RNF114: variants seen among roughly 807,000 people sequenced by gnomAD.
RNF114 encodes the protein ring finger protein 114.
A neutral mutation model predicts 28.4 loss-of-function variants in RNF114; 6 were observed. That is an observed-to-expected ratio of 0.21 (90% CI 0.12 to 0.42). The LOEUF is 0.42. RNF114 is among the 10% of genes least tolerant of loss of function. The pLI, the probability that RNF114 is intolerant of heterozygous loss-of-function variation, is 1.00. For synonymous variants in RNF114, 115 were observed against 116.7 expected, an observed-to-expected ratio of 0.99 and a Z score of 0.09; for missense variants, 249 against 311.7, an observed-to-expected ratio of 0.80 and a Z score of 1.51.
rs1023558363 is a variant in RNF114, at chr20:49,953,514, C to T, written c.*1373C>T. 34 of 152,012 alleles carry T rather than the reference C, an allele frequency of 2.2e-4. No individual in the cohort carries two copies. Among genetic ancestry groups the T allele is most frequent in the African/African-American group, 7.2e-4 (30 of 41,382 alleles). 9.4% of individuals were successfully genotyped at this position (152,012 alleles called of 1,614,324 possible). The stretch of plus-strand genomic sequence containing the variant: ...TGCTGCTGTGGGGCTCCGCGCCTGC[C>T]GGTGAAGAGCTGCAGATGCCGAGAA... On this transcript the variant is annotated 3_prime_UTR_variant, in exon 6 of 6. Coordinates refer to ENST00000244061, the MANE Select transcript of RNF114 (RefSeq NM_018683.4).
intron 2 of RNF114, 150 bp downstream of exon 2, chr20:49,941,861 GT>G: frequency 2.7e-6 from 2 of 733,482 alleles, no homozygotes; most frequent in South Asian, 4.0e-5. Context: ...GGCTGGGCTG[GT>G]TTGTTTTCAT....
At chr20:49,940,634 C>T (rs574219329) in intron 1 of RNF114, among the ~76,000 whole-genome samples, 16 of 151,926 alleles carry the variant, frequency 1.1e-4, no homozygotes, top group East Asian at 1.9e-4. Flanking sequence ...AGGATGGTCT[C>T]GATCTCCTGA....
At position 49,951,309 on chromosome 20, in the gene RNF114, C is replaced by CAAAAATGACTCATTAAAAATGAGTCCT. The variant is rs1270668894; in HGVS notation, c.622-749_622-723dup. 4.0e-5 allele frequency among the ~76,000 whole-genome samples: 6 copies of CAAAAATGACTCATTAAAAATGAGTCCT among 150,950 alleles called. No homozygotes were observed. In the East Asian group the frequency reaches 7.9e-4, roughly 20 times the overall value. On this transcript the variant is annotated intron_variant, in intron 5 of 5. Coordinates refer to ENST00000244061, the MANE Select transcript of RNF114 (RefSeq NM_018683.4). ...ATTACATTCATCTGTGTCACATTAA[C>CAAAAATGACTCATTAAAAATGAGTCCT]AAAAATGACTCATTAAAAATGAGTC...
rs71190519 is a variant in RNF114 at position 49,947,769 on chromosome 20, G to GTTTTT, written c.514-1443_514-1439dup. Among the ~76,000 whole-genome samples, 276 of 50,470 alleles carry GTTTTT rather than the reference G, an allele frequency of 5.5e-3. 68 individuals are homozygous for GTTTTT. The highest frequency in any genetic ancestry group is 7.4e-3 in the Non-Finnish European group (212 of 28,798). 33.1% of individuals were successfully genotyped at this position (50,470 alleles called of 152,430 possible). ...GTTCTGTCTTCCTCTCCCTCTGCAA[G>GTTTTT]TTTTTTTTTTTTTTTTTTTTTTTTT... is the stretch of plus-strand genomic sequence containing the variant. On this transcript the variant is annotated intron_variant, in intron 4 of 5. Coordinates refer to ENST00000244061, the MANE Select transcript of RNF114 (RefSeq NM_018683.4).
intron 1 of RNF114, 54 bp downstream of exon 1, chr20:49,936,606 A>G (rs2090287428): frequency 6.4e-7 from 1 of 1,555,772 alleles, no homozygotes; most frequent in Non-Finnish European, 8.7e-7. Context: ...AAGGGAATGG[A>G]GCCGAGGAGC....
intron 4 of RNF114, among the ~76,000 whole-genome samples, chr20:49,946,947 C>T (rs147441550): frequency 0.012 from 1,854 of 150,672 alleles, 21 homozygotes; most frequent in Non-Finnish European, 0.016. Context: ...AGGCTGGGCA[C>T]GGTGGCTCAC....
At chr20:49,945,088 A>G in intron 2 of RNF114, 2 of 257,080 alleles carry the variant, frequency 7.8e-6, no homozygotes, top group South Asian at 1.3e-4. Context: ...AACATCCTAG[A>G]TTTGGAGCTT....
chr20:49,952,419 C>G lies in RNF114; in HGVS notation c.*278C>G. 4 of 523,744 alleles carry G rather than the reference C, an allele frequency of 7.6e-6. No individual in the cohort carries two copies. The highest frequency in any genetic ancestry group is 1.0e-5 in the Non-Finnish European group (3 of 292,948). The allele number at this position is 523,744 out of a possible 1,614,324, so 32.4% of individuals were successfully genotyped here. On this transcript the variant is annotated 3_prime_UTR_variant, in exon 6 of 6. Transcript: ENST00000244061. ...CTACTTCCTGGAGCTTCTGCCGCCTCCTGTGGAAGATAATCTAGCTTCTCC... is the reference window on the plus strand; with the variant it reads ...CTACTTCCTGGAGCTTCTGCCGCCTGCTGTGGAAGATAATCTAGCTTCTCC...
rs1403474609 is a variant in RNF114 at position 49,952,913 on chromosome 20, C to T, written c.*772C>T. On this transcript the variant is annotated 3_prime_UTR_variant, in exon 6 of 6. Transcript: ENST00000244061. The stretch of plus-strand genomic sequence containing the variant: ...GTGGGAGGGCCAGAGCTTTTTGGTT[C>T]TGATTTACAAATTAATGAAGTAGTT... 6.6e-6 allele frequency: 1 copy of T among 152,528 alleles called. No homozygotes were observed. The highest frequency in any genetic ancestry group is 1.5e-5 in the Non-Finnish European group (1 of 68,030). The allele number at this position is 152,528 out of a possible 1,614,324, so 9.4% of individuals were successfully genotyped here.
At position 49,952,556 on chromosome 20, in the gene RNF114, T is replaced by G; in HGVS notation, c.*415T>G. 3.4e-6 allele frequency: 1 copy of G among 297,728 alleles called. No individual in the cohort carries two copies. Among genetic ancestry groups the G allele is most frequent in the East Asian group, 5.7e-5 (1 of 17,422 alleles). 18.4% of individuals were successfully genotyped at this position (297,728 alleles called of 1,614,324 possible). On this transcript the variant is annotated 3_prime_UTR_variant, in exon 6 of 6. Transcript: ENST00000244061. ...AGCACAATGAAGCAAGTGTCTCCTT[T>G]CCTTGTCCCCAAGGTGTGCAGACTT...
At chr20:49,938,781 T>C (rs2090296626) in intron 1 of RNF114, among the ~76,000 whole-genome samples, 1 of 152,232 alleles carries the variant, frequency 6.6e-6, no homozygotes, top group African/African-American at 2.4e-5. Context: ...CGTGAACATT[T>C]GATAGATGAG....
intron 1 of RNF114, among the ~76,000 whole-genome samples, chr20:49,940,519 A>G (rs1434299230): frequency 1.3e-5 from 2 of 150,808 alleles, no homozygotes; most frequent in Admixed American, 6.7e-5. Flanking sequence ...GGTTCATGCC[A>G]TTCTCCTGCC....
At chr20:49,950,782 T>C (rs2090352477) in intron 5 of RNF114, among the ~76,000 whole-genome samples, 1 of 151,858 alleles carries the variant, frequency 6.6e-6, no homozygotes, top group Non-Finnish European at 1.5e-5. Flanking sequence ...GAAATGATCC[T>C]CCTGAGGATT....
In RNF114 at chr20:49,946,252, T is replaced by C; in HGVS notation, c.513+2T>C. 6.8e-7 allele frequency: 1 copy of C among 1,473,690 alleles called. No homozygotes were observed. Among genetic ancestry groups the C allele is most frequent in the South Asian group, 1.2e-5 (1 of 80,664 alleles). 91.3% of individuals were successfully genotyped at this position (1,473,690 alleles called of 1,614,324 possible). A position where few individuals can be genotyped will look rare whatever the true frequency, so the allele number is the denominator to read the frequency against. On this transcript the variant is annotated splice_donor_variant, in intron 4 of 5. Transcript: ENST00000244061. LOFTEE classifies it high-confidence loss of function. ...CATAGCACGGATACCAAATCTGTGGTGAGTAACCTTTTTTTTTTTTTTTAA... is the reference window on the plus strand; with the variant it reads ...CATAGCACGGATACCAAATCTGTGGCGAGTAACCTTTTTTTTTTTTTTTAA...
rs2090307546 is a variant in RNF114 at position 49,941,521 on chromosome 20, C to G, written c.141-40C>G. On this transcript the variant is annotated intron_variant, in intron 1 of 5. Transcript: ENST00000244061. ...TGATCCATATTTGTCGTCTTGTCTC[C>G]ATGATGCGTGACAGAGGTTCTCTGT... The G allele has an allele frequency of 5.4e-5, 82 of 1,530,892 alleles. No individual in the cohort carries two copies. In the East Asian group the frequency reaches 1.9e-3, roughly 36 times the overall value. 94.8% of individuals were successfully genotyped at this position (1,530,892 alleles called of 1,614,324 possible).
intron 4 of RNF114, among the ~76,000 whole-genome samples, chr20:49,947,329 TC>T (rs546495658): frequency 8.1e-4 from 122 of 150,380 alleles, no homozygotes; most frequent in Admixed American, 1.6e-3. Context: ...GGTGTATACT[TC>T]CTCTATAGTT....
intron 4 of RNF114, among the ~76,000 whole-genome samples, chr20:49,946,608 C>A (rs1004426870): frequency 8.6e-5 from 11 of 128,190 alleles, no homozygotes; most frequent in Non-Finnish European, 1.8e-4. Context: ...ATGTGAAATT[C>A]ATGTTTTAAT....
chr20:49,947,232 C>CA, intron 4 of RNF114, among the ~76,000 whole-genome samples: 2 of 17,550 alleles, frequency 1.1e-4, no homozygotes, highest in South Asian at 4.1e-3. Flanking sequence ...CCCCCCCCCC[C>CA]CCCCAAAAAA....
intron 4 of RNF114, among the ~76,000 whole-genome samples, chr20:49,947,963 TG>T (rs1015388950): frequency 6.6e-6 from 1 of 151,462 alleles, no homozygotes; most frequent in African/African-American, 2.4e-5. Flanking sequence ...GGCTAATTTT[TG>T]TATTTATGGT....
Sources: gnomAD v4.1 joint callset for allele counts (sites outside exome capture counted in the v4.1 genomes callset) on GRCh38, gnomAD v4.1.1 for gene constraint, MANE v1.5 for transcripts, NCBI Gene and HGNC (gene_info 2026-07-23, HGNC 2026-07-21) for gene names.